Variants in WDR27 observed in about 807,000 individuals in gnomAD.
WDR27 encodes the protein WD repeat-containing protein 27.
In WDR27, 100 loss-of-function variants were observed where a neutral mutation model predicts 114.4. The ratio of observed to expected loss-of-function variants is 0.87; its 90% CI spans 0.74 to 1.03. The LOEUF (loss-of-function observed/expected upper bound fraction) is 1.03, where lower values mean the gene tolerates loss of function less well. Among genes scored for constraint, WDR27 ranks in the 50% least tolerant of loss-of-function variants. The pLI is 0.00. For missense variants in WDR27, 1,129 were observed against 1,092.9 expected (o/e 1.03, Z -0.47); for synonymous variants, 449 against 423.1 (o/e 1.06, Z -0.75).
rs1828362464 is a variant in WDR27 at position 169,668,018 on chromosome 6, G to A, written c.624C>T (p.Gly208=). ...TGTCCTCAGACGCCGAGATGAGGGT[G>A]CCTGCTCGCCAGGGACAGAACTCCA... The part of the protein sequence containing the change: ...TAVEFCPWRA[G]TLISASEDRG... Residue 208 remains glycine, a synonymous_variant, in exon 5 of 26, where the codon GGC becomes GGT. Coordinates refer to ENST00000448612, the MANE Select transcript of WDR27 (RefSeq NM_182552.5). 2.5e-6 allele frequency: 4 copies of A among 1,613,808 alleles called. No individual in the cohort carries two copies. The highest frequency in any genetic ancestry group is 1.1e-5 in the South Asian group (1 of 91,070).
chr6:169,471,612 G>A (rs1786403318), intron 25 of WDR27, among the ~76,000 whole-genome samples: 1 of 152,164 alleles, frequency 6.6e-6, no homozygotes, highest in African/African-American at 2.4e-5. Context: ...ACAGTGGTAT[G>A]ACAAATGTTC....
intron 23 of WDR27, among the ~76,000 whole-genome samples, chr6:169,599,547 T>C (rs1807518729): frequency 6.6e-6 from 1 of 152,208 alleles, no homozygotes; most frequent in Non-Finnish European, 1.5e-5. Flanking sequence ...TTTATTTGCG[T>C]AGAGGTGTTT....
chr6:169,570,445 T>C (rs1359199908), intron 25 of WDR27, among the ~76,000 whole-genome samples: 2 of 152,214 alleles, frequency 1.3e-5, no homozygotes, highest in African/African-American at 4.8e-5. Context: ...TACGTGATGC[T>C]TCACTCCCAG....
chr6:169,481,494 A>G (rs1788065999), intron 25 of WDR27, among the ~76,000 whole-genome samples: 1 of 152,184 alleles, frequency 6.6e-6, no homozygotes, highest in Non-Finnish European at 1.5e-5. Context: ...CACTCTTCGC[A>G]ATAAATCTTG....
rs188293192 is a variant in WDR27, at chr6:169,473,481, G to A, written c.2646-15847C>T. On this transcript the variant is annotated intron_variant, in intron 25 of 25. Transcript: ENST00000448612. ...GGAGTCTCTTGGGCAAGGTGACAAA[G>A]TACAACCTAGAATGAGAAAAAAGGA... Among the ~76,000 whole-genome samples, 59 of 152,274 alleles carry A rather than the reference G, an allele frequency of 3.9e-4. 1 individual carries two copies. The East Asian group carries it at 0.011, about 28-fold the overall frequency.
At chr6:169,465,051 GA>G (rs1413962697) in intron 25 of WDR27, among the ~76,000 whole-genome samples, 1 of 151,792 alleles carries the variant, frequency 6.6e-6, no homozygotes, top group Non-Finnish European at 1.5e-5. Context: ...CTGAGGTCAG[GA>G]GTTCAAGAGC....
chr6:169,687,776 G>T (rs1307136876), intron 2 of WDR27, among the ~76,000 whole-genome samples: 1 of 152,038 alleles, frequency 6.6e-6, no homozygotes, highest in African/African-American at 2.4e-5. Flanking sequence ...TATATGAAAA[G>T]GTACCCCTCC....
At chr6:169,483,062 A>T (rs748321785) in intron 25 of WDR27, among the ~76,000 whole-genome samples, 4 of 152,218 alleles carry the variant, frequency 2.6e-5, no homozygotes, top group Non-Finnish European at 4.4e-5. Flanking sequence ...TATAGCACTA[A>T]ACACCCACAT....
chr6:169,644,709 C>T (rs1277560798), intron 16 of WDR27, among the ~76,000 whole-genome samples: 1 of 142,534 alleles, frequency 7.0e-6, no homozygotes, highest in African/African-American at 2.7e-5. Context: ...TCATACGAGT[C>T]ACACTGTAGA....
At chr6:169,563,592 C>T (rs1025365995) in intron 25 of WDR27, among the ~76,000 whole-genome samples, 1 of 152,162 alleles carries the variant, frequency 6.6e-6, no homozygotes, top group Non-Finnish European at 1.5e-5. Context: ...ACTGTGCTCA[C>T]GAGAGACAAG....
intron 25 of WDR27, among the ~76,000 whole-genome samples, chr6:169,529,261 C>A (rs1396335734): frequency 7.3e-6 from 1 of 137,162 alleles, no homozygotes; most frequent in Non-Finnish European, 1.5e-5. Flanking sequence ...CCCACACATT[C>A]AGGGAGAGAA....
chr6:169,647,551 T>C, intron 16 of WDR27: 1 of 620,000 alleles, frequency 1.6e-6, no homozygotes, highest in Non-Finnish European at 2.9e-6. Context: ...CCAGTGTCTG[T>C]GCCCACGCAG....
chr6:169,612,456 CAA>C (rs1237873258), intron 22 of WDR27, among the ~76,000 whole-genome samples: 5 of 150,544 alleles, frequency 3.3e-5, no homozygotes, highest in African/African-American at 1.2e-4. Context: ...AACAAACAAA[CAA>C]AAAATTAGGT....
At chr6:169,646,106 G>A (rs1584867760) in intron 16 of WDR27, among the ~76,000 whole-genome samples, 1 of 152,360 alleles carries the variant, frequency 6.6e-6, no homozygotes, top group South Asian at 2.1e-4. Flanking sequence ...AGTTAACCTG[G>A]TTCTAAAACA....
chr6:169,691,932 C>A (rs1784602454), intron 1 of WDR27, among the ~76,000 whole-genome samples: 1 of 152,120 alleles, frequency 6.6e-6, no homozygotes, highest in African/African-American at 2.4e-5. Flanking sequence ...AAGTTTTGTT[C>A]CAAGAACCAC....
intron 22 of WDR27, among the ~76,000 whole-genome samples, chr6:169,612,225 A>C (rs1810711142): frequency 6.6e-6 from 1 of 150,528 alleles, no homozygotes; most frequent in Admixed American, 6.6e-5. Flanking sequence ...AGGTCAGGAG[A>C]TCGAGACCAC....
chr6:169,435,224 G>T, the WDR27 span, among the ~76,000 whole-genome samples: 1 of 152,250 alleles, frequency 6.6e-6, no homozygotes, highest in Non-Finnish European at 1.5e-5. Flanking sequence ...ACACCTGGAT[G>T]TCTAGGCAGA....
chr6:169,671,685 GC>G, intron 3 of WDR27: 1 of 152,214 alleles, frequency 6.6e-6, no homozygotes, highest in Middle Eastern at 3.4e-3. Flanking sequence ...CAGCGCACAT[GC>G]CCCTCCGAGA....
chr6:169,580,362 G>A (rs1404877426), intron 24 of WDR27, among the ~76,000 whole-genome samples: 1 of 152,168 alleles, frequency 6.6e-6, no homozygotes, highest in Non-Finnish European at 1.5e-5. Context: ...AATTATGCAG[G>A]ATAGCCTTCA....
Sources: allele counts gnomAD v4.1 joint callset (sites outside exome capture counted in the v4.1 genomes callset), GRCh38; gene constraint gnomAD v4.1.1; transcripts MANE v1.5; gene names NCBI Gene and HGNC (gene_info 2026-07-23, HGNC 2026-07-21).